Variants in EML5 observed in about 807,000 individuals in gnomAD.
The protein encoded by EML5 is echinoderm microtubule-associated protein-like 5.
In EML5, 120 loss-of-function variants were observed where a neutral mutation model predicts 250.0. The observed-to-expected ratio is 0.48, with a 90% CI of 0.41 to 0.56. EML5 has a LOEUF of 0.56. Ranked by LOEUF, EML5 falls within the 20% of genes least tolerant of loss-of-function variation. The probability of loss-of-function intolerance (pLI) is 0.00; values close to 1 mark genes in which losing one functional copy is unlikely to be tolerated. For synonymous variants in EML5, 771 were observed against 806.5 expected (o/e 0.96, Z 0.75); for missense variants, 2,006 against 2,437.6 (o/e 0.82, Z 3.73).
At chr14:88,760,148 C>A (rs893266402) in intron 1 of EML5, among the ~76,000 whole-genome samples, 1 of 152,152 alleles carries the variant, frequency 6.6e-6, no homozygotes, top group African/African-American at 2.4e-5. Context: ...CTGTTTCTCT[C>A]ACAGAGCAAA....
At chr14:88,671,234 G>A (rs1485852807) in intron 21 of EML5, among the ~76,000 whole-genome samples, 1 of 152,150 alleles carries the variant, frequency 6.6e-6, no homozygotes, top group South Asian at 2.1e-4. Context: ...TACAAGTCAG[G>A]AGACACTAGG....
At chr14:88,761,710 C>A (rs1164012937) in intron 1 of EML5, among the ~76,000 whole-genome samples, 1 of 152,060 alleles carries the variant, frequency 6.6e-6, no homozygotes, top group East Asian at 1.9e-4. Context: ...GGGTATATAC[C>A]CAGTAATGGG....
At chr14:88,758,049 G>A (rs1479408446) in intron 1 of EML5, among the ~76,000 whole-genome samples, 2 of 148,682 alleles carry the variant, frequency 1.3e-5, no homozygotes, top group Non-Finnish European at 3.0e-5. Context: ...TAGAGATGGG[G>A]TCTCCCTATG....
intron 21 of EML5, among the ~76,000 whole-genome samples, chr14:88,670,625 C>T (rs2092437179): frequency 6.6e-6 from 1 of 152,074 alleles, no homozygotes; most frequent in Non-Finnish European, 1.5e-5. Context: ...TTTTGCTGAG[C>T]TAAAGGAACA....
intron 32 of EML5, among the ~76,000 whole-genome samples, chr14:88,636,747 G>C (rs893171883): frequency 2.0e-5 from 3 of 152,164 alleles, no homozygotes; most frequent in Non-Finnish European, 4.4e-5. Context: ...ATAATGCCAT[G>C]GGAATGTGAT....
intron 1 of EML5, among the ~76,000 whole-genome samples, chr14:88,772,668 G>A (rs1442090185): frequency 1.3e-5 from 2 of 151,930 alleles, no homozygotes; most frequent in South Asian, 2.1e-4. Context: ...CAGAAGAATC[G>A]CTTGAACCTG....
chr14:88,615,873 A>C lies in EML5; in HGVS notation c.5898-19T>G. The C allele has an allele frequency of 6.2e-7, 1 of 1,608,020 alleles. No individual in the cohort carries two copies. Among genetic ancestry groups the C allele is most frequent in the Non-Finnish European group, 8.5e-7 (1 of 1,177,020 alleles). ...AAATAAGCTGCAATCAGAGAAGAAA[A>C]TTGCAGGGAGTTAATTATGTTTTTA... On this transcript the variant is annotated intron_variant, in intron 43 of 43. Transcript: ENST00000554922.
chr14:88,637,520 G>T, intron 32 of EML5, among the ~76,000 whole-genome samples: 1 of 152,094 alleles, frequency 6.6e-6, no homozygotes, highest in Admixed American at 6.5e-5. Context: ...GGTGGGAAAT[G>T]AAAGAACCAT....
chr14:88,622,511 G>T, intron 37 of EML5, 93 bp downstream of exon 37: 1 of 995,222 alleles, frequency 1.0e-6, no homozygotes, highest in Non-Finnish European at 1.4e-6. Context: ...GCATTATTAA[G>T]TATTGTTCAT....
intron 33 of EML5, among the ~76,000 whole-genome samples, chr14:88,630,129 C>T (rs1328408611): frequency 2.1e-5 from 3 of 140,776 alleles, no homozygotes; most frequent in Admixed American, 7.8e-5. Context: ...CTCTGGGGTT[C>T]AAGTGATTAT....
chr14:88,615,087 G>A lies in EML5; in HGVS notation c.*731C>T, dbSNP rs1238767112. On this transcript the variant is annotated 3_prime_UTR_variant, in exon 44 of 44. Transcript: ENST00000554922. ...CATCATACTACTTTTCCATTAGTGA[G>A]GCTACAGTTATGTTTTAAATGTGCG... 1.3e-5 allele frequency: 2 copies of A among 152,140 alleles called. No homozygotes were observed. The highest frequency in any genetic ancestry group is 2.9e-5 in the Non-Finnish European group (2 of 68,024). The allele number at this position is 152,140 out of a possible 1,614,324, so 9.4% of individuals were successfully genotyped here. A position where few individuals can be genotyped will look rare whatever the true frequency, so the allele number is the denominator to read the frequency against.
chr14:88,732,182 G>GGT (rs2093770267), intron 7 of EML5, among the ~76,000 whole-genome samples: 1 of 152,090 alleles, frequency 6.6e-6, no homozygotes, highest in Non-Finnish European at 1.5e-5. Context: ...TTCCTTCTAG[G>GGT]GTTTTTATGG....
chr14:88,762,317 C>T (rs2094256334), intron 1 of EML5, among the ~76,000 whole-genome samples: 1 of 152,052 alleles, frequency 6.6e-6, no homozygotes, highest in South Asian at 2.1e-4. Context: ...TCGAGACTAG[C>T]CTGACCAACA....
intron 28 of EML5, among the ~76,000 whole-genome samples, chr14:88,648,919 C>A (rs1021970472): frequency 6.6e-6 from 1 of 152,130 alleles, no homozygotes; most frequent in East Asian, 1.9e-4. Context: ...TGGATTCCTG[C>A]TGTAGATATA....
Position 88,746,211 on chromosome 14 carries a change from A to G in EML5, c.430T>C (p.Ser144Pro). Residue 144 changes from serine to proline, a missense_variant, in exon 3 of 44, where the codon TCT becomes CCT. This residue lies in a region of EML5 where 162 missense variants were observed against 212.2 expected (regional missense o/e 0.76). Coordinates refer to ENST00000554922, the MANE Select transcript of EML5 (RefSeq NM_183387.3). ...VWDWKRGKML[S>P]MAPGHTDRIF... ...CTATCTGTATGACCAGGAGCCATAG[A>G]CAACATTTTTCCCCTTTTCCAGTCC... 6.2e-7 allele frequency: 1 copy of G among 1,613,330 alleles called. No individual in the cohort carries two copies.
chr14:88,749,146 T>C (rs1034405127), intron 2 of EML5, among the ~76,000 whole-genome samples: 3 of 152,136 alleles, frequency 2.0e-5, no homozygotes, highest in South Asian at 2.1e-4. Context: ...AACAAATTGC[T>C]GAAGCCATCG....
At chr14:88,729,092 T>C (rs181681356) in intron 7 of EML5, among the ~76,000 whole-genome samples, 57 of 152,166 alleles carry the variant, frequency 3.7e-4, no homozygotes, top group African/African-American at 1.3e-3. Context: ...ACACATCATA[T>C]ATATATATAA....
chr14:88,640,260 C>T (rs971186282), intron 31 of EML5, among the ~76,000 whole-genome samples: 10 of 152,172 alleles, frequency 6.6e-5, no homozygotes, highest in African/African-American at 2.4e-4. Context: ...ACATTCTTCT[C>T]ATCTGCACAT....
chr14:88,690,982 T>C (rs1439303644), intron 17 of EML5, among the ~76,000 whole-genome samples: 3 of 152,246 alleles, frequency 2.0e-5, no homozygotes, highest in Admixed American at 1.3e-4. Flanking sequence ...CAAGTCTGTT[T>C]ACTTCTCTGC....
Sources: gnomAD v4.1 joint callset for allele counts (sites outside exome capture counted in the v4.1 genomes callset) on GRCh38, gnomAD v4.1.1 for gene constraint, gnomAD v4.1.1 regional missense constraint, MANE v1.5 for transcripts, NCBI Gene and HGNC (gene_info 2026-07-23, HGNC 2026-07-21) for gene names.